SPMIP2: variants seen among roughly 807,000 people sequenced by gnomAD.
The protein encoded by SPMIP2 is protein SPMIP2.
At chr4:158,978,397 T>C in the SPMIP2 span, among the ~76,000 whole-genome samples, 7 of 152,228 alleles carry the variant, frequency 4.6e-5, no homozygotes. Context: ...TTCTATTAAT[T>C]TGGGGTGGAG....
the SPMIP2 span, among the ~76,000 whole-genome samples, chr4:159,052,955 ATTTT>A: frequency 1.5e-5 from 2 of 132,086 alleles, no homozygotes; most frequent in African/African-American, 6.0e-5. Flanking sequence ...TATTATTATT[ATTTT>A]TTTTTTTTTT....
chr4:159,052,211 T>G, the SPMIP2 span, among the ~76,000 whole-genome samples: 2 of 151,994 alleles, frequency 1.3e-5, no homozygotes, highest in South Asian at 4.1e-4. Flanking sequence ...TTTGATTTCT[T>G]TTTTTTCCAG....
chr4:158,940,156 C>G, the SPMIP2 span, among the ~76,000 whole-genome samples: 3 of 152,160 alleles, frequency 2.0e-5, no homozygotes, highest in Non-Finnish European at 4.4e-5. Flanking sequence ...TGACGGCTCT[C>G]TCTTTGGCTT....
the SPMIP2 span, among the ~76,000 whole-genome samples, chr4:159,061,378 C>G: frequency 1.3e-5 from 2 of 151,958 alleles, no homozygotes; most frequent in African/African-American, 2.4e-5. Context: ...CTTGCCTTAC[C>G]CCGAGACCAG....
the SPMIP2 span, among the ~76,000 whole-genome samples, chr4:158,895,433 GGATT>G: frequency 6.6e-6 from 1 of 152,076 alleles, no homozygotes; most frequent in East Asian, 1.9e-4. Flanking sequence ...ATATGGGAAA[GGATT>G]ATTATAAAGT....
chr4:158,922,167 C>A, the SPMIP2 span, among the ~76,000 whole-genome samples: 1 of 152,158 alleles, frequency 6.6e-6, no homozygotes, highest in African/African-American at 2.4e-5. Context: ...GGATTACAGG[C>A]GTGAGCCACC....
At chr4:159,063,036 C>G in the SPMIP2 span, among the ~76,000 whole-genome samples, 3 of 151,984 alleles carry the variant, frequency 2.0e-5, no homozygotes, top group Admixed American at 6.6e-5. Context: ...GTTAATAAGA[C>G]AGACTGTATA....
At chr4:159,012,866 C>T in the SPMIP2 span, among the ~76,000 whole-genome samples, 26 of 152,164 alleles carry the variant, frequency 1.7e-4, no homozygotes, top group African/African-American at 5.6e-4. Context: ...AGCCACTGCA[C>T]CTGGCCAATT....
the SPMIP2 span, among the ~76,000 whole-genome samples, chr4:158,938,487 A>T: frequency 3.3e-5 from 5 of 152,316 alleles, no homozygotes; most frequent in Non-Finnish European, 5.9e-5. Flanking sequence ...CTTGTTAAAT[A>T]TTCTACCACT....
chr4:158,937,468 C>T, the SPMIP2 span: 1 of 154,334 alleles, frequency 6.5e-6, no homozygotes, highest in Non-Finnish European at 1.5e-5. Context: ...ATCTAGAAGG[C>T]ATGGGTCATG....
chr4:159,018,005 G>C, the SPMIP2 span, among the ~76,000 whole-genome samples: 12 of 152,178 alleles, frequency 7.9e-5, no homozygotes, highest in Non-Finnish European at 1.8e-4. Context: ...AAACTTGTCC[G>C]CCAAGCTGGA....
chr4:158,965,058 A>G, the SPMIP2 span, among the ~76,000 whole-genome samples: 1 of 152,238 alleles, frequency 6.6e-6, no homozygotes, highest in South Asian at 2.1e-4. Context: ...CTGAGAAGCA[A>G]TATGAATGCT....
the SPMIP2 span, chr4:158,907,768 G>A: frequency 6.6e-6 from 1 of 152,112 alleles, no homozygotes; most frequent in Non-Finnish European, 1.5e-5. Context: ...AAATCAAGAA[G>A]TCCCCTCTGA....
the SPMIP2 span, among the ~76,000 whole-genome samples, chr4:159,037,104 G>C: frequency 1.3e-5 from 2 of 152,162 alleles, no homozygotes; most frequent in Non-Finnish European, 2.9e-5. Context: ...GGCTTTTGTT[G>C]GAGGACTTCC....
chr4:158,993,192 C>T, the SPMIP2 span, among the ~76,000 whole-genome samples: 1 of 151,770 alleles, frequency 6.6e-6, no homozygotes, highest in Non-Finnish European at 1.5e-5. Flanking sequence ...AAGACCCTGT[C>T]TCTACAAAAA....
At chr4:159,050,497 T>C in the SPMIP2 span, among the ~76,000 whole-genome samples, 1 of 152,118 alleles carries the variant, frequency 6.6e-6, no homozygotes, top group African/African-American at 2.4e-5. Context: ...GTAAACAGCA[T>C]TTTATTGTTT....
chr4:158,992,863 C>T, the SPMIP2 span, among the ~76,000 whole-genome samples: 18 of 152,200 alleles, frequency 1.2e-4, no homozygotes, highest in Non-Finnish European at 2.9e-5. Flanking sequence ...CTAATCATCT[C>T]TTAAAGGCCC....
chr4:158,969,230 T>C, the SPMIP2 span, among the ~76,000 whole-genome samples: 1 of 152,016 alleles, frequency 6.6e-6, no homozygotes. Flanking sequence ...CCCATTGAGG[T>C]TGGGGTTAAA....
chr4:158,993,493 T>A, the SPMIP2 span, among the ~76,000 whole-genome samples: 1 of 152,048 alleles, frequency 6.6e-6, no homozygotes, highest in Non-Finnish European at 1.5e-5. Context: ...TTTTTTTAAA[T>A]TTCTATTTTC....
Sources: gnomAD v4.1 joint callset for allele counts (sites outside exome capture counted in the v4.1 genomes callset) on GRCh38, gnomAD v4.1.1 for gene constraint, MANE v1.5 for transcripts, NCBI Gene and HGNC (gene_info 2026-07-23, HGNC 2026-07-21) for gene names.